The following STK3 variants were observed in gnomAD, a reference collection of about 807,000 sequenced individuals.
STK3 encodes serine/threonine kinase 3.
STK3 carries 41 observed loss-of-function variants against 58.0 expected under a neutral mutation model. The observed-to-expected ratio is 0.71, with a 90% CI of 0.55 to 0.92. The LOEUF is 0.92. Ranked by LOEUF, STK3 falls within the 40% of genes least tolerant of loss-of-function variation. The pLI, the probability that STK3 is intolerant of heterozygous loss-of-function variation, is 0.00. For missense variants in STK3, 479 were observed against 602.7 expected (o/e 0.79, Z 2.15); for synonymous variants, 170 against 191.0 (o/e 0.89, Z 0.91).
At chr8:98,776,945 G>C (rs1376697436) in intron 1 of STK3, among the ~76,000 whole-genome samples, 1 of 151,938 alleles carries the variant, frequency 6.6e-6, no homozygotes, top group South Asian at 2.1e-4. Flanking sequence ...AGCTACTTGC[G>C]AGGCTGAGGC....
chr8:98,695,032 T>G (rs936579809), intron 6 of STK3, among the ~76,000 whole-genome samples: 2 of 152,226 alleles, frequency 1.3e-5, no homozygotes, highest in Admixed American at 6.5e-5. Flanking sequence ...GACTTTTTAA[T>G]GATTGCCATT....
chr8:98,489,878 T>A (rs1822557580), intron 10 of STK3, among the ~76,000 whole-genome samples: 1 of 152,184 alleles, frequency 6.6e-6, no homozygotes, highest in African/African-American at 2.4e-5. Context: ...AAGTGAACTT[T>A]AGAAACACAT....
chr8:98,756,650 G>A lies in STK3; in HGVS notation c.237-7260C>T, dbSNP rs201683682. 2.6e-5 allele frequency among the ~76,000 whole-genome samples: 4 copies of A among 152,306 alleles called. No individual in the cohort carries two copies. The East Asian group carries it at 5.8e-4, about 22-fold the overall frequency. The stretch of plus-strand genomic sequence containing the variant: ...AATGTTAGTCCATGCAGAGATTATA[G>A]TAAGCATATCTTTTTATTTTCTGTA... On this transcript the variant is annotated intron_variant, in intron 3 of 10. Coordinates refer to ENST00000419617, the MANE Select transcript of STK3 (RefSeq NM_006281.4).
At chr8:98,658,653 C>T (rs1821731698) in intron 6 of STK3, among the ~76,000 whole-genome samples, 1 of 151,878 alleles carries the variant, frequency 6.6e-6, no homozygotes, top group Admixed American at 6.6e-5. Context: ...TTTCAATCAC[C>T]CCCTATTGAA....
chr8:98,739,988 G>C (rs1348007777), intron 4 of STK3, among the ~76,000 whole-genome samples: 1 of 151,950 alleles, frequency 6.6e-6, no homozygotes, highest in South Asian at 2.1e-4. Flanking sequence ...TGGAAGAAAG[G>C]GTATCAGTGA....
At chr8:98,478,068 T>C (rs1821517979) in intron 10 of STK3, among the ~76,000 whole-genome samples, 1 of 152,106 alleles carries the variant, frequency 6.6e-6, no homozygotes, top group South Asian at 2.1e-4. Context: ...CTGGGCTATG[T>C]GTAGAAGAAG....
At chr8:98,574,928 G>A (rs550533228) in intron 8 of STK3, among the ~76,000 whole-genome samples, 9 of 152,130 alleles carry the variant, frequency 5.9e-5, no homozygotes, top group Non-Finnish European at 1.2e-4. Flanking sequence ...ATAGTGACTC[G>A]TGCACTTCCT....
At chr8:98,757,155 G>T (rs1449572828) in intron 3 of STK3, among the ~76,000 whole-genome samples, 1 of 151,700 alleles carries the variant, frequency 6.6e-6, no homozygotes, top group Non-Finnish European at 1.5e-5. Flanking sequence ...TGATCTGTTG[G>T]CCTCATGATA....
chr8:98,452,112 G>C (rs966968384), downstream of STK3, among the ~76,000 whole-genome samples: 1 of 152,084 alleles, frequency 6.6e-6, no homozygotes, highest in Admixed American at 6.6e-5. Flanking sequence ...CCTATTGAAT[G>C]CTAATCAGTA....
chr8:98,535,711 TAGA>T (rs1809699223), intron 9 of STK3, among the ~76,000 whole-genome samples: 1 of 152,160 alleles, frequency 6.6e-6, no homozygotes, highest in African/African-American at 2.4e-5. Context: ...CTAACATTTA[TAGA>T]GCACCTATTC....
intron 8 of STK3, among the ~76,000 whole-genome samples, chr8:98,564,507 AT>A (rs1280476778): frequency 6.6e-6 from 1 of 152,104 alleles, no homozygotes; most frequent in Non-Finnish European, 1.5e-5. Flanking sequence ...GTAGGGAGAG[AT>A]TGGTCAATAA....
chr8:98,831,993 G>A lies in STK3; in HGVS notation c.110+51654C>T, dbSNP rs558077566. On this transcript the variant is annotated intron_variant, in intron 3 of 12. Transcript: ENST00000523601. ...TTTTAAAACAAGAAGACTAGAAGGAGGTGTTTCTAGGTTTGAATAATTCTT... is the reference window on the plus strand; with the variant it reads ...TTTTAAAACAAGAAGACTAGAAGGAAGTGTTTCTAGGTTTGAATAATTCTT... Among the ~76,000 whole-genome samples, 6 of 152,232 alleles carry A rather than the reference G, an allele frequency of 3.9e-5. No individual in the cohort carries two copies. In the South Asian group the frequency reaches 1.0e-3, roughly 26 times the overall value.
At chr8:98,850,902 G>A (rs1228379281) in intron 3 of STK3, among the ~76,000 whole-genome samples, 1 of 152,154 alleles carries the variant, frequency 6.6e-6, no homozygotes, top group Non-Finnish European at 1.5e-5. Context: ...TTGTCCAAGA[G>A]ATTACTGCAG....
intron 4 of STK3, among the ~76,000 whole-genome samples, chr8:98,719,584 C>A (rs1358043079): frequency 2.0e-5 from 3 of 152,174 alleles, no homozygotes; most frequent in Non-Finnish European, 4.4e-5. Context: ...TCTGGCTTTG[C>A]TCAATGACTT....
At position 98,379,904 on chromosome 8, in the gene STK3, C is replaced by T. The variant is rs572166677; in HGVS notation, n.57-697G>A. On this transcript the variant is annotated intron_variant and non_coding_transcript_variant, in intron 1 of 2. Coordinates refer to the STK3 transcript ENST00000518704. ...AAGATATGGAAACAACACAGATGTCCGTAAACAGAGGAATGGATGAAGAAA... is the reference window on the plus strand; with the variant it reads ...AAGATATGGAAACAACACAGATGTCTGTAAACAGAGGAATGGATGAAGAAA... Among the ~76,000 whole-genome samples the T allele has an allele frequency of 4.1e-4, 62 of 152,084 alleles. No individual in the cohort carries two copies. The South Asian group carries it at 0.011, about 27-fold the overall frequency.
chr8:98,703,547 C>G (rs62532563), intron 6 of STK3, among the ~76,000 whole-genome samples: 106,667 of 152,054 alleles, frequency 0.7, 38,825 homozygotes, highest in African/African-American at 0.91. Context: ...GGGCTCCCCA[C>G]ATGACGGCTA....
intron 6 of STK3, among the ~76,000 whole-genome samples, chr8:98,661,459 T>C (rs1194612841): frequency 4.6e-5 from 7 of 152,140 alleles, no homozygotes; most frequent in Non-Finnish European, 1.0e-4. Context: ...GTATCATCAT[T>C]TCTCCCCTGG....
At chr8:98,621,141 C>T (rs1818273668) in intron 6 of STK3, among the ~76,000 whole-genome samples, 2 of 152,084 alleles carry the variant, frequency 1.3e-5, no homozygotes, top group South Asian at 2.1e-4. Flanking sequence ...TTGTATTCAC[C>T]GTTTTAGCCG....
At position 98,564,747 on chromosome 8, in the gene STK3, C is replaced by T. The variant is rs138145979; in HGVS notation, c.948+14917G>A. On this transcript the variant is annotated intron_variant, in intron 8 of 10. Transcript: ENST00000419617. ...ACTTTACCCTGTAAATATGTATAAT[C>T]GTTATATATCAATTTTTTTTAAAAA... 2.1e-3 allele frequency among the ~76,000 whole-genome samples: 317 copies of T among 151,978 alleles called. 7 individuals carry two copies. Among genetic ancestry groups the T allele is most frequent in the Non-Finnish European group, 1.3e-3 (89 of 67,954 alleles).
Sources: allele counts gnomAD v4.1 joint callset (sites outside exome capture counted in the v4.1 genomes callset), GRCh38; gene constraint gnomAD v4.1.1; transcripts MANE v1.5; gene names NCBI Gene and HGNC (gene_info 2026-07-23, HGNC 2026-07-21).